Variants in PLAGL1 observed in about 807,000 individuals in gnomAD.
PLAGL1 encodes the protein PLAG1 like zinc finger 1, also known as zinc finger protein PLAGL1.
A neutral mutation model predicts 4.6 loss-of-function variants in PLAGL1; 1 was observed. The ratio of observed to expected loss-of-function variants is 0.22; its 90% CI spans 0.08 to 1.03. The LOEUF is 1.03. PLAGL1 is among the 50% of genes least tolerant of loss of function. The pLI is 0.58. For missense variants in PLAGL1, 464 were observed against 570.4 expected (o/e 0.81, Z 1.90); for synonymous variants, 240 against 237.8 (o/e 1.01, Z -0.08).
intron 1 of PLAGL1, among the ~76,000 whole-genome samples, chr6:144,018,680 T>C (rs1237133435): frequency 1.3e-5 from 2 of 152,190 alleles, no homozygotes; most frequent in Non-Finnish European, 2.9e-5. Context: ...TTTTTAAAAG[T>C]GATGTTCACT....
At chr6:144,010,498 G>T (rs1476573751), upstream of PLAGL1, among the ~76,000 whole-genome samples, 2 of 152,178 alleles carry the variant, frequency 1.3e-5, no homozygotes, top group Non-Finnish European at 2.9e-5. This position sits in a 1 kb window ranked among gnomAD's most constrained non-coding sequence, Gnocchi z 4.1. Context: ...TGGATTGGAA[G>T]AATCAATTAT....
chr6:144,047,700 G>A (rs778401733), intron 1 of PLAGL1, among the ~76,000 whole-genome samples: 42 of 152,116 alleles, frequency 2.8e-4, no homozygotes, highest in Non-Finnish European at 1.6e-4. Flanking sequence ...CCCTCAACAC[G>A]TGGGGATTGT....
In PLAGL1 at chr6:143,947,618, T is replaced by C. The variant is rs1262349606; in HGVS notation, c.152+367A>G. ...TTTCATTGTGTCACAGCTTAAAGAT[T>C]GTCCCCATCTGAGAAGCCGTCCCAG... On this transcript the variant is annotated intron_variant, in intron 7 of 7. Coordinates refer to ENST00000674357, the MANE Select transcript of PLAGL1 (RefSeq NM_001317162.2). This position sits in a 1 kb window ranked among gnomAD's most constrained non-coding sequence, Gnocchi z 4.3. Among the ~76,000 whole-genome samples the C allele has an allele frequency of 6.6e-6, 1 of 152,220 alleles. No individual in the cohort carries two copies. Among genetic ancestry groups the C allele is most frequent in the Non-Finnish European group, 1.5e-5 (1 of 68,040 alleles).
At chr6:144,038,584 T>C (rs1797458217) in intron 1 of PLAGL1, among the ~76,000 whole-genome samples, 1 of 152,136 alleles carries the variant, frequency 6.6e-6, no homozygotes, top group Non-Finnish European at 1.5e-5. Context: ...GGGGAAAGAA[T>C]AGTTTTTTTT....
intron 1 of PLAGL1, among the ~76,000 whole-genome samples, chr6:143,992,833 C>T (rs1790759290): frequency 6.6e-6 from 1 of 151,790 alleles, no homozygotes; most frequent in Non-Finnish European, 1.5e-5. Flanking sequence ...CAAAAATTAG[C>T]TGGGTGTGGT....
rs577397723 is a variant in PLAGL1, at chr6:144,055,374, C to T, written c.-151+9094G>A. ...ACCATGACTTGCTGTGCTTGTTATA[C>T]AAAACCACACTGGCATTCTTTAACA... On this transcript the variant is annotated intron_variant, in intron 1 of 3. Transcript: ENST00000437412. The surrounding 1 kb of genome is among the most constrained non-coding windows in gnomAD (Gnocchi z 5.0). Among the ~76,000 whole-genome samples the T allele has an allele frequency of 6.6e-6, 1 of 152,316 alleles. No individual in the cohort carries two copies. The highest frequency in any genetic ancestry group is 2.4e-5 in the African/African-American group (1 of 41,570).
rs575779445 is a variant in PLAGL1, at chr6:144,036,570, T to A, written c.-151+27898A>T. 3 of 171,988 alleles carry A rather than the reference T, an allele frequency of 1.7e-5. No individual in the cohort carries two copies. The highest frequency in any genetic ancestry group is 7.2e-5 in the African/African-American group (3 of 41,680). 10.7% of individuals were successfully genotyped at this position (171,988 alleles called of 1,614,324 possible). ...TCCTGGGGCTGCTACCGGGTGCAAGTGACATGCTGGAAAGAGCGTGGTAGA... is the reference window on the plus strand; with the variant it reads ...TCCTGGGGCTGCTACCGGGTGCAAGAGACATGCTGGAAAGAGCGTGGTAGA... On this transcript the variant is annotated intron_variant, in intron 1 of 3. Coordinates refer to the PLAGL1 transcript ENST00000437412. The surrounding 1 kb of genome is among the most constrained non-coding windows in gnomAD (Gnocchi z 5.1).
At chr6:143,974,011 AGTT>A (rs1447065119) in intron 2 of PLAGL1, among the ~76,000 whole-genome samples, 1 of 152,192 alleles carries the variant, frequency 6.6e-6, no homozygotes, top group Non-Finnish European at 1.5e-5. Context: ...TGTATAAATG[AGTT>A]GTGTGTTTGT....
rs909659517 is a variant in PLAGL1 at position 144,061,001 on chromosome 6, C to A, written c.-151+3467G>T. On this transcript the variant is annotated intron_variant, in intron 1 of 3. Transcript: ENST00000437412. The surrounding 1 kb of genome is among the most constrained non-coding windows in gnomAD (Gnocchi z 4.4). ...ATATGACTTCCTTATAGCTTTTCCA[C>A]CATTTCTCTCCCCTGCCCCCAAAAG... Among the ~76,000 whole-genome samples the A allele has an allele frequency of 1.3e-5, 2 of 152,214 alleles. No individual in the cohort carries two copies. The highest frequency in any genetic ancestry group is 1.3e-4 in the Admixed American group (2 of 15,292).
chr6:144,032,395 A>T (rs1583800203), intron 1 of PLAGL1, among the ~76,000 whole-genome samples: 1 of 149,686 alleles, frequency 6.7e-6, no homozygotes, highest in East Asian at 2.0e-4. Context: ...AAGTGCTGGG[A>T]TTTCAGGTGT....
At chr6:143,943,718 TAATAA>T (rs1779147773) in intron 7 of PLAGL1, among the ~76,000 whole-genome samples, 1 of 152,246 alleles carries the variant, frequency 6.6e-6, no homozygotes, top group Non-Finnish European at 1.5e-5. Context: ...CTGCTACTTC[TAATAA>T]GAGTTGTAAG....
At position 144,027,230 on chromosome 6, in the gene PLAGL1, C is replaced by CGAAGGAAAGAAAGAAA. The variant is rs761735778; in HGVS notation, c.-151+37237_-151+37238insTTTCTTTCTTTCCTTC. On this transcript the variant is annotated intron_variant, in intron 1 of 3. Transcript: ENST00000437412. The surrounding 1 kb of genome is among the most constrained non-coding windows in gnomAD (Gnocchi z 5.8). The stretch of plus-strand genomic sequence containing the variant: ...CAGAGAAAGACCCCAACTCAAAGAA[C>CGAAGGAAAGAAAGAAA]GAACGAAAGAAAGAAAGAAAGAAAG... Among the ~76,000 whole-genome samples, 5 of 99,106 alleles carry CGAAGGAAAGAAAGAAA rather than the reference C, an allele frequency of 5.0e-5. No homozygotes were observed. The highest frequency in any genetic ancestry group is 2.1e-4 in the African/African-American group (5 of 24,100). 65.0% of individuals were successfully genotyped at this position (99,106 alleles called of 152,430 possible).
intron 1 of PLAGL1, among the ~76,000 whole-genome samples, chr6:144,062,360 G>C (rs929155640): frequency 6.8e-6 from 1 of 147,148 alleles, no homozygotes; most frequent in Admixed American, 6.9e-5. Context: ...CTGGGTGACA[G>C]AGTGAGACTC....
rs577005320 is a variant in PLAGL1, at chr6:144,059,754, A to G, written c.-151+4714T>C. ...CATTAAGCTTTGTCTTGCCATTAAT[A>G]ATATTTTCCATCCCTGAGGCTGCCC... On this transcript the variant is annotated intron_variant, in intron 1 of 3. Coordinates refer to the PLAGL1 transcript ENST00000437412. The surrounding 1 kb of genome is among the most constrained non-coding windows in gnomAD (Gnocchi z 4.9). Among the ~76,000 whole-genome samples, 168 of 152,316 alleles carry G rather than the reference A, an allele frequency of 1.1e-3. No individual in the cohort carries two copies. Among genetic ancestry groups the G allele is most frequent in the African/African-American group, 3.8e-3 (157 of 41,568 alleles).
At chr6:143,967,841 T>G (rs1244741188) in intron 3 of PLAGL1, 3 of 152,084 alleles carry the variant, frequency 2.0e-5, no homozygotes, top group African/African-American at 7.2e-5. Context: ...ACAGCCTTCC[T>G]AGAAGTCAGT....
rs762851758 is a variant in PLAGL1, at chr6:143,942,189, C to T, written c.627G>A (p.Gln209=). 10 of 1,614,150 alleles carry T rather than the reference C, an allele frequency of 6.2e-6. No homozygotes were observed. The South Asian group carries it at 1.1e-4, about 18-fold the overall frequency. The change falls in exon 8 of 8, where the codon CAG becomes CAA. Residue 209 remains glutamine, a synonymous_variant. Coordinates refer to ENST00000674357, the MANE Select transcript of PLAGL1 (RefSeq NM_001317162.2). The surrounding 1 kb of genome is among the most constrained non-coding windows in gnomAD (Gnocchi z 7.6). ...LTRHTKKTHS[Q]ELMKESLQTG... is the part of the protein sequence containing the mutation. The stretch of plus-strand genomic sequence containing the variant: ...TCTGCAAGCTCTCTTTCATCAGCTC[C>T]TGTGAGTGGGTCTTCTTGGTATGCC...
chr6:144,024,458 A>C (rs1047594033), intron 1 of PLAGL1, among the ~76,000 whole-genome samples: 3 of 152,182 alleles, frequency 2.0e-5, no homozygotes, highest in African/African-American at 7.2e-5. Flanking sequence ...GTGGTAGTGA[A>C]TAAGTCTCAT....
chr6:144,056,170 A>T lies in PLAGL1; in HGVS notation c.-151+8298T>A, dbSNP rs1294190208. ...TATCTTTTAACACATTCGCTTTTTT[A>T]AAAAAGCCTATTTTTCAAAGCTGTT... On this transcript the variant is annotated intron_variant, in intron 1 of 3. Transcript: ENST00000437412. The surrounding 1 kb of genome is among the most constrained non-coding windows in gnomAD (Gnocchi z 4.7). Among the ~76,000 whole-genome samples the T allele has an allele frequency of 3.7e-5, 5 of 135,406 alleles. No individual in the cohort carries two copies. Among genetic ancestry groups the T allele is most frequent in the African/African-American group, 5.7e-5 (2 of 35,308 alleles). The allele number at this position is 135,406 out of a possible 152,430, so 88.8% of individuals were successfully genotyped here. A position where few individuals can be genotyped will look rare whatever the true frequency, so the allele number is the denominator to read the frequency against.
rs1788802670 is a variant in PLAGL1, at chr6:143,985,482, T to C, written c.-583-308A>G. 6.6e-6 allele frequency among the ~76,000 whole-genome samples: 1 copy of C among 152,148 alleles called. No individual in the cohort carries two copies. Among genetic ancestry groups the C allele is most frequent in the African/African-American group, 2.4e-5 (1 of 41,430 alleles). ...TGAACAGTTCCATCACAAGGATCCA[T>C]CATGTTGCCCTTTTACAATCACACA... is the stretch of plus-strand genomic sequence containing the variant. On this transcript the variant is annotated intron_variant, in intron 1 of 7. Coordinates refer to ENST00000674357, the MANE Select transcript of PLAGL1 (RefSeq NM_001317162.2). The surrounding 1 kb of genome is among the most constrained non-coding windows in gnomAD (Gnocchi z 4.4).
Sources: allele counts gnomAD v4.1 joint callset (sites outside exome capture counted in the v4.1 genomes callset), GRCh38; gene constraint gnomAD v4.1.1; non-coding constraint Gnocchi (gnomAD v3.1); transcripts MANE v1.5; gene names NCBI Gene and HGNC (gene_info 2026-07-23, HGNC 2026-07-21).